ADGRF3: variants seen among roughly 807,000 people sequenced by gnomAD.
ADGRF3 encodes adhesion G protein-coupled receptor F3.
In ADGRF3, 85 loss-of-function variants were observed where a neutral mutation model predicts 93.2. The observed-to-expected ratio is 0.91, with a 90% CI of 0.77 to 1.09. The LOEUF is 1.09. Ranked by LOEUF, ADGRF3 falls within the 50% of genes least tolerant of loss-of-function variation. The probability of loss-of-function intolerance (pLI) is 0.00; values close to 1 mark genes in which losing one functional copy is unlikely to be tolerated. For synonymous variants in ADGRF3, 534 were observed against 532.5 expected, an observed-to-expected ratio of 1.00 and a Z score of -0.04; for missense variants, 1,125 against 1,246.2, an observed-to-expected ratio of 0.90 and a Z score of 1.46.
intron 9 of ADGRF3, among the ~76,000 whole-genome samples, chr2:26,312,500 T>G (rs1437755443): frequency 6.6e-6 from 1 of 152,208 alleles, no homozygotes; most frequent in Non-Finnish European, 1.5e-5. Flanking sequence ...ACACATGCCA[T>G]GTATTCCCAG....
At chr2:26,319,322 A>G (rs1012047568) in intron 1 of ADGRF3, among the ~76,000 whole-genome samples, 4 of 152,170 alleles carry the variant, frequency 2.6e-5, no homozygotes, top group African/African-American at 7.2e-5. Context: ...TAGGGGTTCG[A>G]AGTCACAACC....
rs1574688721 is a variant in ADGRF3 at position 26,309,458 on chromosome 2, G to C, written c.2993+68C>G. The C allele has an allele frequency of 4.4e-6, 7 of 1,574,708 alleles. No homozygotes were observed. The East Asian group carries it at 1.6e-4, about 36-fold the overall frequency. On this transcript the variant is annotated intron_variant, in intron 13 of 13. Transcript: ENST00000651242. ...AGGCTTCTCTCCAGCACTTTGCCAG[G>C]AGGCCCTTTGCCACACCGTCCTCAA...
At chr2:26,338,421 A>G (rs1474761332) in intron 1 of ADGRF3, among the ~76,000 whole-genome samples, 2 of 152,164 alleles carry the variant, frequency 1.3e-5, no homozygotes, top group East Asian at 3.9e-4. Context: ...TCAGAGTGCA[A>G]TAATAACTTC....
intron 1 of ADGRF3, among the ~76,000 whole-genome samples, chr2:26,322,689 G>A (rs1286703987): frequency 6.6e-6 from 1 of 152,076 alleles, no homozygotes; most frequent in East Asian, 1.9e-4. Context: ...GGAGGCCTTA[G>A]GTAATATTTG....
chr2:26,312,043 T>C lies in ADGRF3; in HGVS notation c.1481A>G (p.Asp494Gly), dbSNP rs1160040927. 44 of 1,611,334 alleles carry C rather than the reference T, an allele frequency of 2.7e-5. No individual in the cohort carries two copies. Among genetic ancestry groups the C allele is most frequent in the Non-Finnish European group, 3.6e-5 (43 of 1,179,438 alleles). ...GGTCCACAGAGACCTGGTGTCCATA[T>C]CTAGGACCTTGTCTGTGGCAATCAG... ...NLLIATDKVL[D>G]MDTRSLWTLA... is the part of the protein sequence containing the mutation. The change falls in exon 10 of 14, where the codon GAT becomes GGT. Residue 494 changes from aspartate (D) to glycine (G), a missense_variant. By Grantham distance (94) the Asp-to-Gly change is moderately conservative. Transcript: ENST00000651242.
At chr2:26,341,968 G>A (rs1010913720) in intron 1 of ADGRF3, among the ~76,000 whole-genome samples, 7 of 151,834 alleles carry the variant, frequency 4.6e-5, no homozygotes, top group African/African-American at 1.5e-4. Context: ...AGCTACTTGG[G>A]AGGCTGAGGC....
At chr2:26,321,058 G>T (rs1371111632) in intron 1 of ADGRF3, among the ~76,000 whole-genome samples, 2 of 152,018 alleles carry the variant, frequency 1.3e-5, no homozygotes, top group Non-Finnish European at 2.9e-5. Context: ...TCTAATCATA[G>T]ACTTTTTTTT....
intron 1 of ADGRF3, among the ~76,000 whole-genome samples, chr2:26,321,740 G>A (rs1281005920): frequency 6.6e-6 from 1 of 152,012 alleles, no homozygotes; most frequent in Non-Finnish European, 1.5e-5. Flanking sequence ...GGGAGGCCGA[G>A]GCGGGCTGAT....
At chr2:26,345,381 G>C (rs1319675853) in intron 1 of ADGRF3, among the ~76,000 whole-genome samples, 1 of 152,176 alleles carries the variant, frequency 6.6e-6, no homozygotes, top group African/African-American at 2.4e-5. Flanking sequence ...GAGACTGAGA[G>C]ATCACTGCTT....
chr2:26,328,459 T>G (rs1159777304), intron 1 of ADGRF3, among the ~76,000 whole-genome samples: 1 of 132,434 alleles, frequency 7.6e-6, no homozygotes, highest in Non-Finnish European at 1.7e-5. Context: ...TTTTAGTTTT[T>G]TTTTTTTTTT....
At chr2:26,345,361 A>G (rs1473004272) in intron 1 of ADGRF3, among the ~76,000 whole-genome samples, 1 of 152,214 alleles carries the variant, frequency 6.6e-6, no homozygotes, top group Admixed American at 6.5e-5. Context: ...AACGCATTTA[A>G]GGACTCGTCG....
chr2:26,310,552 C>A, intron 10 of ADGRF3, 140 bp downstream of exon 10: 1 of 857,552 alleles, frequency 1.2e-6, no homozygotes, highest in Non-Finnish European at 1.8e-6. Context: ...AGTGGAGGAA[C>A]TGGGATCCAC....
intron 1 of ADGRF3, among the ~76,000 whole-genome samples, chr2:26,344,196 G>C (rs1180797462): frequency 6.6e-6 from 1 of 152,120 alleles, no homozygotes; most frequent in East Asian, 1.9e-4. Context: ...CCAGGCTGGA[G>C]CGCAGTGACA....
chr2:26,329,071 C>T (rs1003053725), intron 1 of ADGRF3, among the ~76,000 whole-genome samples: 4 of 152,200 alleles, frequency 2.6e-5, no homozygotes, highest in African/African-American at 9.7e-5. Context: ...CACAAGGGTC[C>T]TTGTAAAAGG....
Position 26,346,136 on chromosome 2 carries a change from A to G in ADGRF3, c.99T>C (p.Thr33=), listed in dbSNP as rs562114844. 40 of 1,599,108 alleles carry G rather than the reference A, an allele frequency of 2.5e-5. No individual in the cohort carries two copies. The highest frequency in any genetic ancestry group is 7.9e-5 in the South Asian group (7 of 89,014). The change falls in exon 1 of 14, where the codon ACT becomes ACC. Residue 33 remains threonine, a synonymous_variant. Transcript: ENST00000651242. ...GCTCTCCTACCTTCTCGGGCAGCCC[A>G]GTCTTTGCCATCCTTGCCCAGCCGG... ...HHTGWARMAK[T]GLPEKGQSQA...
At chr2:26,329,612 C>T (rs191619930) in intron 1 of ADGRF3, among the ~76,000 whole-genome samples, 1 of 152,352 alleles carries the variant, frequency 6.6e-6, no homozygotes, top group East Asian at 1.9e-4. Context: ...ACTCTCAGAA[C>T]ACATTACATT....
At chr2:26,312,313 C>A (rs1055705253) in intron 9 of ADGRF3, among the ~76,000 whole-genome samples, 6 of 152,202 alleles carry the variant, frequency 3.9e-5, no homozygotes, top group Non-Finnish European at 5.9e-5. Context: ...GACCTGCACC[C>A]AGCCCCTCTG....
In ADGRF3 at chr2:26,314,755, A is replaced by C. The variant is rs1004398478; in HGVS notation, c.719-132T>G. On this transcript the variant is annotated intron_variant, in intron 5 of 13. Coordinates refer to ENST00000651242, the MANE Select transcript of ADGRF3 (RefSeq NM_001321971.2). The stretch of plus-strand genomic sequence containing the variant: ...ACCCAGTGCTTAACCCCAGCAAGCA[A>C]GGTCCCAGGATGGCCCCTTTGGTGG... The C allele has an allele frequency of 5.2e-6, 4 of 767,254 alleles. No homozygotes were observed. In the African/African-American group the frequency reaches 7.0e-5, roughly 13 times the overall value. 47.5% of individuals were successfully genotyped at this position (767,254 alleles called of 1,614,324 possible).
At chr2:26,334,978 C>G (rs1675956887) in intron 1 of ADGRF3, among the ~76,000 whole-genome samples, 1 of 152,062 alleles carries the variant, frequency 6.6e-6, no homozygotes, top group Admixed American at 6.6e-5. Context: ...TTATTTTGTG[C>G]TTTGCTTTTT....
Sources: allele counts gnomAD v4.1 joint callset (sites outside exome capture counted in the v4.1 genomes callset), GRCh38; gene constraint gnomAD v4.1.1; transcripts MANE v1.5; gene names NCBI Gene and HGNC (gene_info 2026-07-23, HGNC 2026-07-21).